NEK1: variants seen among roughly 807,000 people sequenced by gnomAD.
NEK1 encodes serine/threonine-protein kinase Nek1.
In NEK1, 137 loss-of-function variants were observed where a neutral mutation model predicts 182.1. The ratio of observed to expected loss-of-function variants is 0.75; its 90% confidence interval spans 0.65 to 0.87. The LOEUF (loss-of-function observed/expected upper bound fraction) is 0.87, where lower values mean the gene tolerates loss of function less well. Ranked by LOEUF, NEK1 falls within the 40% of genes least tolerant of loss-of-function variation. NEK1 has a pLI of 0.00. For missense variants in NEK1, 1,391 were observed against 1,494.4 expected (o/e 0.93, Z 1.14); for synonymous variants, 513 against 492.2 (o/e 1.04, Z -0.56).
rs1306454654 is a variant in NEK1, at chr4:169,525,974, C to G, written c.1665+11835G>C. 2.0e-5 allele frequency among the ~76,000 whole-genome samples: 3 copies of G among 152,094 alleles called. No individual in the cohort carries two copies. In the East Asian group the frequency reaches 5.8e-4, roughly 29 times the overall value. On this transcript the variant is annotated intron_variant, in intron 19 of 35. Transcript: ENST00000507142. Reference sequence around the variant, plus strand: ...AACCAGTAACACTGGAATAAAAATCCCCACTACAAAGAATTACTATCAGGA... The same window carrying G: ...AACCAGTAACACTGGAATAAAAATCGCCACTACAAAGAATTACTATCAGGA...
At chr4:169,409,035 A>G (rs912957312) in intron 31 of NEK1, among the ~76,000 whole-genome samples, 2 of 152,174 alleles carry the variant, frequency 1.3e-5, no homozygotes, top group African/African-American at 4.8e-5. Context: ...TTAGCTCTTT[A>G]AGGAAACTCC....
chr4:169,590,295 C>A (rs1768229510), intron 6 of NEK1, among the ~76,000 whole-genome samples: 1 of 150,526 alleles, frequency 6.6e-6, no homozygotes, highest in East Asian at 1.9e-4. Context: ...GGCAAAAGAG[C>A]GAGACTCCGT....
At position 169,401,729 on chromosome 4, in the gene NEK1, G is replaced by A. The variant is rs1731727784; in HGVS notation, c.3506C>T (p.Thr1169Ile). The A allele has an allele frequency of 1.2e-6, 2 of 1,613,950 alleles. No homozygotes were observed. The highest frequency in any genetic ancestry group is 1.7e-5 in the Admixed American group (1 of 60,024). The change falls in exon 33 of 36, where the codon ACT (threonine) becomes ATT (isoleucine). Residue 1169 changes from threonine (T) to isoleucine (I), a missense_variant. Physicochemically the swap from Thr to Ile is moderately conservative, Grantham distance 89. This residue lies in a region of NEK1 where 1,216 missense variants were observed against 1,277.6 expected (regional missense o/e 0.95). Coordinates refer to ENST00000507142, the MANE Select transcript of NEK1 (RefSeq NM_001199397.3). ...ATCTGCCACATCTGTCCCATTTGCA[G>A]TTGGCTCCACATCACTGTTCTTCAA... ...SVLKNSDVEP[T>I]ANGTDVADED...
intron 31 of NEK1, among the ~76,000 whole-genome samples, chr4:169,424,146 T>G (rs151280358): frequency 1.4e-4 from 22 of 152,318 alleles, no homozygotes; most frequent in African/African-American, 4.1e-4. Flanking sequence ...CCGAAAAACT[T>G]CTACCAGAAA....
chr4:169,555,901 C>T (rs1342190917), intron 17 of NEK1, 31 bp downstream of exon 17: 5 of 1,613,246 alleles, frequency 3.1e-6, no homozygotes, highest in Non-Finnish European at 4.2e-6. Flanking sequence ...AGAAGCAAAG[C>T]ATAAGCAACT....
chr4:169,479,178 A>G (rs757806588), intron 24 of NEK1, among the ~76,000 whole-genome samples: 1 of 152,126 alleles, frequency 6.6e-6, no homozygotes, highest in Non-Finnish European at 1.5e-5. Context: ...TTAAAGTAAT[A>G]TAAGAGTTAT....
At chr4:169,539,387 A>C (rs1223243268) in intron 18 of NEK1, among the ~76,000 whole-genome samples, 2 of 152,138 alleles carry the variant, frequency 1.3e-5, no homozygotes, top group Admixed American at 6.5e-5. Context: ...GGGCCTAAGG[A>C]AGGCAGATAA....
At chr4:169,423,589 T>A (rs996030180) in intron 31 of NEK1, among the ~76,000 whole-genome samples, 1 of 152,206 alleles carries the variant, frequency 6.6e-6, no homozygotes, top group African/African-American at 2.4e-5. Context: ...GTGGGTGGTA[T>A]TTAACACACA....
rs1027852842 is a variant in NEK1, at chr4:169,587,618, A to G, written c.552-5T>C. 19 of 1,524,076 alleles carry G rather than the reference A, an allele frequency of 1.2e-5. No individual in the cohort carries two copies. The Middle Eastern group carries it at 6.8e-4, about 54-fold the overall frequency. The allele number at this position is 1,524,076 out of a possible 1,614,324, so 94.4% of individuals were successfully genotyped here. On this transcript the variant is annotated splice_region_variant and splice_polypyrimidine_tract_variant and intron_variant, in intron 8 of 35. Coordinates refer to ENST00000507142, the MANE Select transcript of NEK1 (RefSeq NM_001199397.3). ...CACCCCAGAGCCCAAATGTCACTGG[A>G]GAAGATAAAAATGAGAAATTTCCTC...
At chr4:169,424,350 C>T (rs1017330941) in intron 31 of NEK1, among the ~76,000 whole-genome samples, 3 of 152,078 alleles carry the variant, frequency 2.0e-5, no homozygotes, top group African/African-American at 7.2e-5. Context: ...TAAAAAAAAT[C>T]CTGAACAGGA....
chr4:169,506,980 G>T, intron 23 of NEK1, 57 bp downstream of exon 23: 1 of 1,171,382 alleles, frequency 8.5e-7, no homozygotes, highest in Non-Finnish European at 1.2e-6. Context: ...GTACTACCCA[G>T]GAAGAGCTAT....
At chr4:169,500,085 A>C (rs1197419173) in intron 23 of NEK1, among the ~76,000 whole-genome samples, 4 of 152,038 alleles carry the variant, frequency 2.6e-5, no homozygotes, top group Non-Finnish European at 5.9e-5. Flanking sequence ...TTACCTACTC[A>C]AGCCTTGGCA....
chr4:169,569,227 G>A lies in NEK1; in HGVS notation c.1021-7031C>T, dbSNP rs1004582863. Among the ~76,000 whole-genome samples the A allele has an allele frequency of 3.9e-5, 6 of 152,084 alleles. No individual in the cohort carries two copies. The East Asian group carries it at 9.6e-4, about 24-fold the overall frequency. ...TACAGAATCAATTTCAAATGTTCTA[G>A]AGCTTCCTTTTCATTACCTCAACCT... On this transcript the variant is annotated intron_variant, in intron 12 of 35. Transcript: ENST00000507142.
At chr4:169,561,996 T>C in intron 13 of NEK1, 105 bp from the exon 14 acceptor site, 2 of 1,130,406 alleles carry the variant, frequency 1.8e-6, no homozygotes, top group South Asian at 1.5e-5. Flanking sequence ...AATGAGGTTT[T>C]TTTTTTAAAA....
chr4:169,447,710 T>A (rs1330382629), intron 27 of NEK1, among the ~76,000 whole-genome samples: 2 of 151,518 alleles, frequency 1.3e-5, no homozygotes, highest in African/African-American at 4.9e-5. Context: ...CTATTAAAAA[T>A]ACAAAAAAAT....
Position 169,398,424 on chromosome 4 carries a change from T to C in NEK1, c.3847+1801A>G, listed in dbSNP as rs533433054. Among the ~76,000 whole-genome samples, 60 of 152,304 alleles carry C rather than the reference T, an allele frequency of 3.9e-4. 1 individual carries two copies. Among genetic ancestry groups the C allele is most frequent in the African/African-American group, 1.4e-3 (58 of 41,576 alleles). The stretch of plus-strand genomic sequence containing the variant: ...AGGAACACTGTATGATAGTGCCCTC[T>C]TTTTAAAGATCATGGGAAAATTGTT... On this transcript the variant is annotated intron_variant, in intron 35 of 35. Transcript: ENST00000507142.
At chr4:169,473,406 A>G (rs552621597) in intron 26 of NEK1, among the ~76,000 whole-genome samples, 5 of 152,236 alleles carry the variant, frequency 3.3e-5, no homozygotes, top group Non-Finnish European at 7.4e-5. Flanking sequence ...GGGTACCAAT[A>G]CCAATTACCT....
rs1581093906 is a variant in NEK1, at chr4:169,602,670, T to C, written c.-40A>G. ...GGCATCTTTACAGATATGCTAGACA[T>C]TTAAAAAACTAACAAAAAAGATAAA... On this transcript the variant is annotated 5_prime_UTR_variant, in exon 3 of 36. It removes an upstream start codon present in the reference 5' UTR. Coordinates refer to ENST00000507142, the MANE Select transcript of NEK1 (RefSeq NM_001199397.3). 2 of 1,032,868 alleles carry C rather than the reference T, an allele frequency of 1.9e-6. No individual in the cohort carries two copies. The highest frequency in any genetic ancestry group is 4.9e-5 in the East Asian group (2 of 41,208). 64.0% of individuals were successfully genotyped at this position (1,032,868 alleles called of 1,614,324 possible).
At chr4:169,531,497 A>G (rs1301622530) in intron 19 of NEK1, among the ~76,000 whole-genome samples, 2 of 151,200 alleles carry the variant, frequency 1.3e-5, no homozygotes, top group East Asian at 1.9e-4. Flanking sequence ...ATGTATACAT[A>G]TATTATATAT....
Sources: allele counts gnomAD v4.1 joint callset (sites outside exome capture counted in the v4.1 genomes callset), GRCh38; gene constraint gnomAD v4.1.1; regional missense constraint gnomAD v4.1.1; transcripts MANE v1.5; gene names NCBI Gene and HGNC (gene_info 2026-07-23, HGNC 2026-07-21).